UBA1: variants seen among roughly 807,000 people sequenced by gnomAD.
UBA1 encodes ubiquitin-like modifier-activating enzyme 1.
Under a neutral mutation model 84.7 loss-of-function variants are expected in UBA1, and 4 were observed. That is an observed-to-expected ratio of 0.05 (90% CI 0.02 to 0.11). The LOEUF (loss-of-function observed/expected upper bound fraction) is 0.11, where lower values mean the gene tolerates loss of function less well. Among genes scored for constraint, UBA1 ranks in the 10% least tolerant of loss-of-function variants. UBA1 has a pLI of 1.00. For synonymous variants in UBA1, 364 were observed against 362.6 expected, an observed-to-expected ratio of 1.00 and a Z score of -0.04; for missense variants, 513 against 902.8, an observed-to-expected ratio of 0.57 and a Z score of 5.53.
chrX:47,196,026 T>G (rs1936195490), intron 1 of UBA1, among the ~76,000 whole-genome samples: 2 of 110,756 alleles, frequency 1.8e-5, no homozygotes, highest in South Asian at 7.7e-4. Context: ...CTCCTCAGAC[T>G]CTAGAATCCC....
chrX:47,210,605 G>A (rs782523827), intron 18 of UBA1, among the ~76,000 whole-genome samples: 5 of 111,783 alleles, frequency 4.5e-5, no homozygotes, highest in Non-Finnish European at 7.5e-5. Context: ...GTTAAATGAT[G>A]GGCTGTTTAG....
intron 4 of UBA1, 22 bp from the exon 5 acceptor site, chrX:47,199,458 T>C: frequency 8.3e-6 from 10 of 1,211,724 alleles, no homozygotes; most frequent in Non-Finnish European, 1.1e-5. Context: ...TTCATCTTTT[T>C]CCCTACTGCA....
At chrX:47,193,378 T>G (rs1381039013), upstream of UBA1, among the ~76,000 whole-genome samples, 1 of 111,383 alleles carries the variant, frequency 9.0e-6, no homozygotes, top group Non-Finnish European at 1.9e-5. Flanking sequence ...CCACTGGGCC[T>G]CATGCATTAT....
At chrX:47,210,178 C>T (rs944046730) in intron 18 of UBA1, 55 bp downstream of exon 18, 4 of 1,172,898 alleles carry the variant, frequency 3.4e-6, no homozygotes, top group Admixed American at 2.2e-5. Flanking sequence ...GAAATGGGAG[C>T]CTGCAGTGTG....
chrX:47,202,133 A>G, intron 8 of UBA1, 23 bp from the exon 9 acceptor site: 1 of 1,168,784 alleles, frequency 8.6e-7, no homozygotes, highest in Non-Finnish European at 1.2e-6. Context: ...GTAGACTGAC[A>G]GCTCTCTTCC....
chrX:47,208,315 GTGTGTGTA>G (rs1936766911), intron 16 of UBA1, among the ~76,000 whole-genome samples: 1 of 79,469 alleles, frequency 1.3e-5, no homozygotes, highest in South Asian at 6.8e-4. Context: ...GTACGTGTAA[GTGTGTGTA>G]CGTGTGTGTG....
At chrX:47,199,740 G>C (rs1936334822) in intron 5 of UBA1, 126 bp downstream of exon 5, 2 of 825,953 alleles carry the variant, frequency 2.4e-6, no homozygotes, top group Non-Finnish European at 3.6e-6. Context: ...TGGGGGACTA[G>C]AGTATGCAGG....
At chrX:47,198,091 C>T (rs782518583) in intron 1 of UBA1, 42 of 904,885 alleles carry the variant, frequency 4.6e-5, no homozygotes, top group East Asian at 8.0e-5. Flanking sequence ...TGGTCTGTGT[C>T]GGTTTTCCCC....
chrX:47,201,851 G>A (rs1398314583), intron 8 of UBA1, among the ~76,000 whole-genome samples: 4 of 111,812 alleles, frequency 3.6e-5, no homozygotes, highest in Non-Finnish European at 7.5e-5. Flanking sequence ...GCTGAGTGGG[G>A]AAAAAGTCTC....
At chrX:47,209,126 C>T (rs1431873312) in intron 16 of UBA1, 1 of 220,288 alleles carries the variant, frequency 4.5e-6, no homozygotes, top group African/African-American at 2.9e-5. Flanking sequence ...ACATACACAG[C>T]ACTATTGTAA....
At position 47,209,931 on chromosome X, in the gene UBA1, C is replaced by A; in HGVS notation, c.2007C>A (p.Asp669Glu). ...PAENVNQYLT[D>E]PKFVERTLRL... ...TGTCCTCTTCGATTCCTGATAGAGA[C>A]CCCAAGTTTGTGGAGCGAACACTGC... is the stretch of plus-strand genomic sequence containing the variant. Residue 669 changes from aspartate to glutamate, a missense_variant, in exon 18 of 26, where the codon GAC (aspartate) becomes GAA (glutamate). Physicochemically the swap from Asp to Glu is conservative, Grantham distance 45. This residue lies in a region of UBA1 where 40 missense variants were observed against 138.3 expected (regional missense o/e 0.29). Transcript: ENST00000335972. 5.8e-6 allele frequency: 7 copies of A among 1,211,982 alleles called. No individual in the cohort carries two copies. Among genetic ancestry groups the A allele is most frequent in the Non-Finnish European group, 7.8e-6 (7 of 895,376 alleles).
chrX:47,192,444 T>C, upstream of UBA1, among the ~76,000 whole-genome samples: 1 of 111,352 alleles, frequency 9.0e-6, no homozygotes, highest in Non-Finnish European at 1.9e-5. Context: ...CTCTAGTGGC[T>C]GAGTATTCAT....
intron 5 of UBA1, 134 bp downstream of exon 5, chrX:47,199,748 A>G: frequency 1.4e-5 from 11 of 778,355 alleles, no homozygotes; most frequent in Non-Finnish European, 2.1e-5. Context: ...TAGAGTATGC[A>G]GGCAGCAGTT....
chrX:47,192,502 T>C (rs979202936), upstream of UBA1, among the ~76,000 whole-genome samples: 19 of 111,032 alleles, frequency 1.7e-4, no homozygotes, highest in Non-Finnish European at 3.4e-4. Context: ...TCTTAACATA[T>C]TACTTTTATA....
intron 24 of UBA1, 34 bp downstream of exon 24, chrX:47,214,462 CAG>C (rs782539700): frequency 1.9e-5 from 23 of 1,200,866 alleles, no homozygotes; most frequent in Non-Finnish European, 2.6e-5. Flanking sequence ...CACCCCACCT[CAG>C]GGGGCGAGGT....
rs1936889179 is a variant in UBA1 at position 47,210,905 on chromosome X, G to T, written c.2263G>T (p.Asp755Tyr). The T allele has an allele frequency of 8.3e-7, 1 of 1,209,518 alleles. No individual in the cohort carries two copies. The highest frequency in any genetic ancestry group is 1.1e-6 in the Non-Finnish European group (1 of 894,965). The stretch of plus-strand genomic sequence containing the variant: ...ACGCTGTCCACACCCGCTCACCTTT[G>T]ATGTCAACAATGTAAGTCTCCTTTC... ...PKRCPHPLTF[D>Y]VNNPLHLDYV... The change falls in exon 19 of 26, where the codon GAT becomes TAT. Residue 755 changes from aspartate (D) to tyrosine (Y), a missense_variant. Asp to Tyr is a radical substitution (Grantham distance 160). Coordinates refer to ENST00000335972, the MANE Select transcript of UBA1 (RefSeq NM_003334.4).
In UBA1 at chrX:47,197,959, C is replaced by G. The variant is rs28633931; in HGVS notation, c.1-844C>G. On this transcript the variant is annotated intron_variant, in intron 1 of 25. Transcript: ENST00000335972. The stretch of plus-strand genomic sequence containing the variant: ...GAAGTGCTTACTATGGCATCTGGCA[C>G]AAGGAGGACTCCTGATCAATCTAAT... 7.8e-3 allele frequency: 6,423 copies of G among 828,311 alleles called. 17 individuals are homozygous for G. Among genetic ancestry groups the G allele is most frequent in the Non-Finnish European group, 8.8e-3 (6,059 of 685,706 alleles). The allele number at this position is 828,311 out of a possible 1,213,427, so 68.3% of individuals were successfully genotyped here. A position where few individuals can be genotyped will look rare whatever the true frequency, so the allele number is the denominator to read the frequency against.
At chrX:47,213,320 C>G (rs1403022079) in intron 23 of UBA1, 139 bp downstream of exon 23, 5 of 630,939 alleles carry the variant, frequency 7.9e-6, no homozygotes, top group Non-Finnish European at 1.2e-5. Flanking sequence ...TTCACTTATT[C>G]ATTAATCACA....
chrX:47,202,568 C>T (rs782327736), intron 10 of UBA1, 64 bp downstream of exon 10: 457 of 1,204,988 alleles, frequency 3.8e-4, no homozygotes, highest in Non-Finnish European at 4.8e-4. Context: ...CCATGCCTCT[C>T]TGCGTGTCCA....
Sources: gnomAD v4.1 joint callset for allele counts (sites outside exome capture counted in the v4.1 genomes callset) on GRCh38, gnomAD v4.1.1 for gene constraint, gnomAD v4.1.1 regional missense constraint, MANE v1.5 for transcripts, NCBI Gene and HGNC (gene_info 2026-07-23, HGNC 2026-07-21) for gene names.